The following STAP1 variants were observed in gnomAD, a reference collection of about 807,000 sequenced individuals.
The protein encoded by STAP1 is signal transducing adaptor family member 1.
Under a neutral mutation model 37.8 loss-of-function variants are expected in STAP1, and 30 were observed. That is an observed-to-expected ratio of 0.79 (90% CI 0.59 to 1.08). The LOEUF is 1.08. Among genes scored for constraint, STAP1 ranks in the 50% least tolerant of loss-of-function variants. STAP1 has a pLI of 0.00. For missense variants in STAP1, 357 were observed against 349.4 expected (o/e 1.02, Z -0.17); for synonymous variants, 130 against 116.0 (o/e 1.12, Z -0.78).
At chr4:67,601,588 C>G (rs1251782266) in intron 8 of STAP1, among the ~76,000 whole-genome samples, 1 of 152,126 alleles carries the variant, frequency 6.6e-6, no homozygotes, top group East Asian at 1.9e-4. Context: ...GAAAGTATGT[C>G]TCCTCCATGT....
rs1035740684 is a variant in STAP1, at chr4:67,606,464, G to C, written c.*107G>C. 9.1e-6 allele frequency: 8 copies of C among 880,060 alleles called. No homozygotes were observed. The highest frequency in any genetic ancestry group is 1.7e-5 in the African/African-American group (1 of 57,744). The allele number at this position is 880,060 out of a possible 1,614,324, so 54.5% of individuals were successfully genotyped here. On this transcript the variant is annotated 3_prime_UTR_variant, in exon 9 of 9. Transcript: ENST00000265404. Reference sequence around the variant, plus strand: ...ATATTCTCCTGATACTGATTACCAAGTCATTCACCTGAACACCAGAATTAG... The same window carrying C: ...ATATTCTCCTGATACTGATTACCAACTCATTCACCTGAACACCAGAATTAG...
chr4:67,597,464 G>C (rs1323516362), intron 8 of STAP1, among the ~76,000 whole-genome samples: 1 of 152,240 alleles, frequency 6.6e-6, no homozygotes, highest in Non-Finnish European at 1.5e-5. Context: ...GCACTGCCTA[G>C]TGGAGCTGTG....
chr4:67,585,893 A>G (rs1369567152), intron 6 of STAP1, among the ~76,000 whole-genome samples: 1 of 152,258 alleles, frequency 6.6e-6, no homozygotes, highest in East Asian at 1.9e-4. Flanking sequence ...TGTGTATGAC[A>G]TAAACTACAG....
At chr4:67,601,360 ATCTT>A (rs1339358412) in intron 8 of STAP1, among the ~76,000 whole-genome samples, 1 of 152,114 alleles carries the variant, frequency 6.6e-6, no homozygotes, top group Non-Finnish European at 1.5e-5. Context: ...TCATCTTTTA[ATCTT>A]TCTATTTAAG....
intron 6 of STAP1, among the ~76,000 whole-genome samples, chr4:67,586,532 G>C (rs1727983411): frequency 6.6e-6 from 1 of 152,122 alleles, no homozygotes. Flanking sequence ...AGGTGGTCTA[G>C]ATTAGTCCAA....
At chr4:67,588,720 T>A (rs1390789865) in intron 6 of STAP1, among the ~76,000 whole-genome samples, 1 of 152,184 alleles carries the variant, frequency 6.6e-6, no homozygotes, top group African/African-American at 2.4e-5. Flanking sequence ...ATATGATGGC[T>A]TTTAAAAACA....
At chr4:67,565,021 C>G (rs979198908) in intron 1 of STAP1, among the ~76,000 whole-genome samples, 27 of 152,176 alleles carry the variant, frequency 1.8e-4, no homozygotes, top group African/African-American at 6.5e-4. Context: ...TGCTTCCCAG[C>G]TCCAAAAAAC....
chr4:67,593,864 G>C (rs1260933054), intron 8 of STAP1, among the ~76,000 whole-genome samples: 1 of 152,198 alleles, frequency 6.6e-6, no homozygotes, highest in Admixed American at 6.5e-5. Context: ...AGGAATGAGT[G>C]GGTGGTGAGG....
chr4:67,594,386 A>G (rs1298166724), intron 8 of STAP1, among the ~76,000 whole-genome samples: 1 of 152,184 alleles, frequency 6.6e-6, no homozygotes, highest in Non-Finnish European at 1.5e-5. Context: ...TTAGAAAATT[A>G]TAGTATCTTA....
Position 67,593,286 on chromosome 4 carries a change from C to A in STAP1, c.756C>A (p.Val252=). The change falls in exon 8 of 9, where the codon GTC becomes GTA. Residue 252 remains valine, a synonymous_variant. Coordinates refer to ENST00000265404, the MANE Select transcript of STAP1 (RefSeq NM_012108.4). ...KPVTLPNLFS[V]IDYFVKETRG... Reference sequence around the variant, plus strand: ...TAACACTCCCAAACCTTTTCAGTGTCATTGATTATTTTGTGAAGGAGACTC... The same window carrying A: ...TAACACTCCCAAACCTTTTCAGTGTAATTGATTATTTTGTGAAGGAGACTC... 6.2e-7 allele frequency: 1 copy of A among 1,613,200 alleles called. No homozygotes were observed. Among genetic ancestry groups the A allele is most frequent in the South Asian group, 1.1e-5 (1 of 90,840 alleles).
chr4:67,565,477 T>A lies in STAP1; in HGVS notation c.121-5607T>A, dbSNP rs185435991. On this transcript the variant is annotated intron_variant, in intron 1 of 8. Transcript: ENST00000265404. ...TAGATACTGCTATCACACCCACACA[T>A]ACAAATCACCACATGGAAGAAGTAT... Among the ~76,000 whole-genome samples the A allele has an allele frequency of 1.3e-3, 202 of 152,350 alleles. 1 individual carries two copies. Among genetic ancestry groups the A allele is most frequent in the African/African-American group, 4.5e-3 (189 of 41,590 alleles).
intron 1 of STAP1, among the ~76,000 whole-genome samples, chr4:67,561,519 A>C (rs1452900974): frequency 6.6e-6 from 1 of 152,208 alleles, no homozygotes; most frequent in East Asian, 1.9e-4. Flanking sequence ...CCCCAGGAAA[A>C]TGTAACAACG....
intron 1 of STAP1, among the ~76,000 whole-genome samples, chr4:67,570,650 A>G (rs1727583472): frequency 6.6e-6 from 1 of 151,856 alleles, no homozygotes; most frequent in South Asian, 2.1e-4. Context: ...TAACAGAGCA[A>G]GACTCTGAAA....
intron 3 of STAP1, 41 bp downstream of exon 3, chr4:67,575,539 A>G (rs1395264595): frequency 7.2e-7 from 1 of 1,389,896 alleles, no homozygotes. Flanking sequence ...GGTTGTGGTT[A>G]TAAATAACAT....
chr4:67,586,902 C>T (rs1034263154), intron 6 of STAP1, among the ~76,000 whole-genome samples: 2 of 152,206 alleles, frequency 1.3e-5, no homozygotes, highest in Non-Finnish European at 2.9e-5. Flanking sequence ...AGAATTCTAA[C>T]ACTAGAGTCA....
At chr4:67,585,624 T>C (rs1727963688) in intron 6 of STAP1, among the ~76,000 whole-genome samples, 1 of 152,262 alleles carries the variant, frequency 6.6e-6, no homozygotes, top group Non-Finnish European at 1.5e-5. Flanking sequence ...TTTTGTTTAT[T>C]ATAAACTAAC....
intron 4 of STAP1, among the ~76,000 whole-genome samples, chr4:67,579,654 A>G (rs1274657689): frequency 6.6e-6 from 1 of 152,102 alleles, no homozygotes; most frequent in Non-Finnish European, 1.5e-5. Flanking sequence ...GGAAAGAGAA[A>G]GAGTGGGGAA....
At chr4:67,587,155 G>C (rs931360) in intron 6 of STAP1, among the ~76,000 whole-genome samples, 29,550 of 152,112 alleles carry the variant, frequency 0.19, 3,244 homozygotes, top group Middle Eastern at 0.29. Context: ...TTGTTATACT[G>C]TACGACTTAA....
rs1577766081 is a variant in STAP1, at chr4:67,593,361, G to A, written c.826+5G>A. On this transcript the variant is annotated splice_donor_5th_base_variant and intron_variant, in intron 8 of 8. Transcript: ENST00000265404. ...GTTCAACTGATGAAAACACTGGTATGTTTTTCACTTCATTGCTATGTTAAG... is the reference window on the plus strand; with the variant it reads ...GTTCAACTGATGAAAACACTGGTATATTTTTCACTTCATTGCTATGTTAAG... The A allele has an allele frequency of 6.3e-7, 1 of 1,588,906 alleles. No individual in the cohort carries two copies. Among genetic ancestry groups the A allele is most frequent in the Non-Finnish European group, 8.6e-7 (1 of 1,161,094 alleles).
Sources: allele counts gnomAD v4.1 joint callset (sites outside exome capture counted in the v4.1 genomes callset), GRCh38; gene constraint gnomAD v4.1.1; transcripts MANE v1.5; gene names NCBI Gene and HGNC (gene_info 2026-07-23, HGNC 2026-07-21).